SLC9B2: variants seen among roughly 807,000 people sequenced by gnomAD.
SLC9B2 encodes the protein sodium/hydrogen exchanger 9B2.
Under a neutral mutation model 52.2 loss-of-function variants are expected in SLC9B2, and 39 were observed. That is an observed-to-expected ratio of 0.75 (90% confidence interval 0.58 to 0.98). The LOEUF (loss-of-function observed/expected upper bound fraction) is 0.98. SLC9B2 is among the 50% of genes least tolerant of loss of function. SLC9B2 has a pLI of 0.00. For synonymous variants in SLC9B2, 214 were observed against 227.0 expected (o/e 0.94, Z 0.51); for missense variants, 626 against 637.5 (o/e 0.98, Z 0.19).
Position 103,050,258 on chromosome 4 carries a change from G to A in SLC9B2, c.567C>T (p.Gly189=). The A allele has an allele frequency of 6.3e-7, 1 of 1,594,394 alleles. No individual in the cohort carries two copies. The highest frequency in any genetic ancestry group is 1.8e-5 in the Admixed American group (1 of 55,678). The change falls in exon 5 of 12, where the codon GGC becomes GGT. Residue 189 remains glycine (G), a synonymous_variant. Transcript: ENST00000394785. Reference sequence around the variant, plus strand: ...TTCATACCTTTGAATCCAGACCAAGGCCAGCACGAACCAGAATGATAGACA... The same window carrying A: ...TTCATACCTTTGAATCCAGACCAAGACCAGCACGAACCAGAATGATAGACA... ...IALSIILVRA[G]LGLDSKALKK...
At chr4:103,032,230 C>T (rs140136128) in intron 9 of SLC9B2, among the ~76,000 whole-genome samples, 5 of 152,102 alleles carry the variant, frequency 3.3e-5, no homozygotes, top group African/African-American at 1.2e-4. Flanking sequence ...AGATATGCCC[C>T]TATTACTGCT....
At chr4:103,049,799 G>A (rs1744503099) in intron 5 of SLC9B2, among the ~76,000 whole-genome samples, 1 of 152,150 alleles carries the variant, frequency 6.6e-6, no homozygotes, top group South Asian at 2.1e-4. Flanking sequence ...ATCACCTGAG[G>A]TCAGGAGTTT....
chr4:103,020,144 G>A, downstream of SLC9B2: 1 of 283,594 alleles, frequency 3.5e-6, no homozygotes, highest in African/African-American at 2.3e-5. Context: ...TGTAAAGGAC[G>A]CTGTGGTGGT....
chr4:103,076,056 C>G (rs1406323229), intron 1 of SLC9B2, 128 bp downstream of exon 1: 2 of 152,296 alleles, frequency 1.3e-5, no homozygotes, highest in African/African-American at 4.8e-5. Context: ...CAGACACGCG[C>G]CCGTCACCGG....
At position 103,052,181 on chromosome 4, in the gene SLC9B2, G is replaced by A. The variant is rs565664239; in HGVS notation, c.443-1799C>T. On this transcript the variant is annotated intron_variant, in intron 4 of 11. Transcript: ENST00000394785. ...GCAGGGGGAATGGTTTCAGGATGAA[G>A]CTTTCCACCTCAGATCATCAGGCAT... Among the ~76,000 whole-genome samples the A allele has an allele frequency of 9.2e-5, 14 of 152,324 alleles. No homozygotes were observed. In the South Asian group the frequency reaches 2.9e-3, roughly 32 times the overall value.
intron 4 of SLC9B2, among the ~76,000 whole-genome samples, chr4:103,052,824 G>GGTATGAGCCAAGT (rs1744807969): frequency 6.6e-6 from 1 of 151,794 alleles, no homozygotes; most frequent in Non-Finnish European, 1.5e-5. Context: ...TGGGATTACA[G>GGTATGAGCCAAGT]GTATGAGCCA....
At chr4:103,028,259 T>C (rs7668749) in intron 11 of SLC9B2, among the ~76,000 whole-genome samples, 14 of 152,122 alleles carry the variant, frequency 9.2e-5, no homozygotes, top group African/African-American at 3.4e-4. Flanking sequence ...AATAAAGTGC[T>C]TTCTGAGTTG....
chr4:103,019,165 G>T (rs975344697), downstream of SLC9B2, among the ~76,000 whole-genome samples: 1 of 152,144 alleles, frequency 6.6e-6, no homozygotes, highest in African/African-American at 2.4e-5. Flanking sequence ...GTGGGTGGGT[G>T]GGGGAAGAGA....
At position 103,047,127 on chromosome 4, in the gene SLC9B2, G is replaced by A. The variant is rs567026500; in HGVS notation, c.813C>T (p.Leu271=). Residue 271 remains leucine, a synonymous_variant, in exon 7 of 12, where the codon CTC becomes CTT. Transcript: ENST00000394785. ...TGTCATCGAAGCTGCCAGCTGCCAT[G>A]AGCAAGGTTGGGACACCCTTCTCAA... ...YGVEKGVPTL[L]MAAGSFDDIL... is the part of the protein sequence containing the mutation. 1.9e-6 allele frequency: 3 copies of A among 1,614,042 alleles called. No individual in the cohort carries two copies. Among genetic ancestry groups the A allele is most frequent in the South Asian group, 1.1e-5 (1 of 91,082 alleles).
intron 3 of SLC9B2, 37 bp from the exon 4 acceptor site, chr4:103,058,008 G>A: frequency 6.5e-7 from 1 of 1,547,506 alleles, no homozygotes; most frequent in Non-Finnish European, 8.7e-7. Flanking sequence ...CTATCAATAA[G>A]TTGTCACATG....
intron 10 of SLC9B2, among the ~76,000 whole-genome samples, chr4:103,029,465 A>G (rs140514585): frequency 1.1e-4 from 16 of 152,246 alleles, no homozygotes; most frequent in African/African-American, 3.8e-4. Context: ...GTATGGAGGG[A>G]ATTAGCCAAT....
downstream of SLC9B2, chr4:103,020,097 G>A: frequency 4.2e-6 from 1 of 237,108 alleles, no homozygotes; most frequent in Non-Finnish European, 8.0e-6. Context: ...ATGGGACCTA[G>A]GCAAATACAT....
chr4:103,026,635 C>A, intron 11 of SLC9B2, 44 bp from the exon 12 acceptor site: 2 of 1,537,670 alleles, frequency 1.3e-6, no homozygotes, highest in Admixed American at 4.2e-5. Flanking sequence ...ATAAGATAAG[C>A]ACATATAAAA....
chr4:103,046,045 T>A (rs1744093510), intron 7 of SLC9B2, among the ~76,000 whole-genome samples: 1 of 152,190 alleles, frequency 6.6e-6, no homozygotes, highest in African/African-American at 2.4e-5. Flanking sequence ...AACAATGTTT[T>A]AAGAAAATCA....
chr4:103,066,116 G>A (rs1666308943), intron 3 of SLC9B2, among the ~76,000 whole-genome samples: 1 of 152,232 alleles, frequency 6.6e-6, no homozygotes, highest in South Asian at 2.1e-4. Flanking sequence ...CAGTGATCCT[G>A]AAAGCCAAGG....
chr4:103,054,632 T>C (rs1156319572), intron 4 of SLC9B2, among the ~76,000 whole-genome samples: 3 of 152,218 alleles, frequency 2.0e-5, no homozygotes, highest in Non-Finnish European at 4.4e-5. Context: ...TGGGTTCCAA[T>C]TAATATTAAT....
rs1053019431 is a variant in SLC9B2, at chr4:103,023,494, C to T, written c.*2876G>A. 5.9e-5 allele frequency among the ~76,000 whole-genome samples: 9 copies of T among 152,142 alleles called. No individual in the cohort carries two copies. Among genetic ancestry groups the T allele is most frequent in the Non-Finnish European group, 1.0e-4 (7 of 68,026 alleles). ...TGGCTTTCAATGTGGTGACAAACCCCGGCCTTCACATGGTGAGCCCTGCTG... is the reference window on the plus strand; with the variant it reads ...TGGCTTTCAATGTGGTGACAAACCCTGGCCTTCACATGGTGAGCCCTGCTG... On this transcript the variant is annotated 3_prime_UTR_variant, in exon 12 of 12. Coordinates refer to ENST00000394785, the MANE Select transcript of SLC9B2 (RefSeq NM_178833.7).
At chr4:103,056,040 G>A (rs575820239) in intron 4 of SLC9B2, among the ~76,000 whole-genome samples, 8 of 152,040 alleles carry the variant, frequency 5.3e-5, no homozygotes, top group African/African-American at 1.9e-4. Flanking sequence ...TCCTGACCTC[G>A]TGATCTGCCC....
rs563477603 is a variant in SLC9B2, at chr4:103,047,111, A to C, written c.829T>G (p.Phe277Val). ...VPTLLMAAGS[F>V]DDILAITGFN... ...CCAGTGATGGCCAGAATGTCATCGA[A>C]GCTGCCAGCTGCCATGAGCAAGGTT... Residue 277 changes from phenylalanine (F) to valine (V), a missense_variant, in exon 7 of 12, where the codon TTC (phenylalanine) becomes GTC (valine). By Grantham distance (50) the Phe-to-Val change is conservative. Coordinates refer to ENST00000394785, the MANE Select transcript of SLC9B2 (RefSeq NM_178833.7). 6.2e-7 allele frequency: 1 copy of C among 1,614,044 alleles called. No homozygotes were observed. The highest frequency in any genetic ancestry group is 1.3e-5 in the African/African-American group (1 of 75,040).
Sources: gnomAD v4.1 joint callset for allele counts (sites outside exome capture counted in the v4.1 genomes callset) on GRCh38, gnomAD v4.1.1 for gene constraint, MANE v1.5 for transcripts, NCBI Gene and HGNC (gene_info 2026-07-23, HGNC 2026-07-21) for gene names.